MBP: variants seen among roughly 807,000 people sequenced by gnomAD.
MBP encodes Golli-MBP.
In MBP, 16 loss-of-function variants were observed where a neutral mutation model predicts 35.8. The ratio of observed to expected loss-of-function variants is 0.45; its 90% CI spans 0.30 to 0.68. The LOEUF (loss-of-function observed/expected upper bound fraction) is 0.68. MBP is among the 30% of genes least tolerant of loss of function. The pLI is 0.08. For synonymous variants in MBP, 143 were observed against 159.6 expected, an observed-to-expected ratio of 0.90 and a Z score of 0.78; for missense variants, 380 against 404.7, an observed-to-expected ratio of 0.94 and a Z score of 0.52.
intron 1 of MBP, among the ~76,000 whole-genome samples, chr18:77,120,740 C>A (rs1452733842): frequency 6.6e-6 from 1 of 152,160 alleles, no homozygotes; most frequent in Non-Finnish European, 1.5e-5. Context: ...GAGCTGTCCT[C>A]TGAGCACAGG....
At chr18:77,009,175 G>A (rs184392638) in intron 4 of MBP, among the ~76,000 whole-genome samples, 305 of 152,306 alleles carry the variant, frequency 2.0e-3, no homozygotes, top group African/African-American at 5.7e-3. Flanking sequence ...GGTGACGGCA[G>A]TGCCAGCTCT....
intron 4 of MBP, among the ~76,000 whole-genome samples, chr18:76,993,318 C>T (rs548358188): frequency 3.0e-4 from 45 of 152,126 alleles, no homozygotes; most frequent in Admixed American, 2.4e-3. Context: ...TTTGGGAGGC[C>T]GAGGCGGGCA....
chr18:77,083,158 G>T (rs1322424098), intron 2 of MBP, among the ~76,000 whole-genome samples: 1 of 151,996 alleles, frequency 6.6e-6, no homozygotes, highest in Non-Finnish European at 1.5e-5. Context: ...GTAAAAACAG[G>T]GTTTTGCCAC....
chr18:77,081,212 A>G (rs1014947331), intron 2 of MBP, among the ~76,000 whole-genome samples: 3 of 152,198 alleles, frequency 2.0e-5, no homozygotes, highest in African/African-American at 4.8e-5. Flanking sequence ...GAAACCACAG[A>G]TCAGTGAGAC....
chr18:77,066,675 C>T (rs753509199), intron 2 of MBP: 5 of 614,942 alleles, frequency 8.1e-6, no homozygotes, highest in Non-Finnish European at 1.5e-5. Context: ...AGCTACATGC[C>T]ATCCCATTTA....
At chr18:77,015,467 A>C (rs930561371) in intron 4 of MBP, 9 of 985,484 alleles carry the variant, frequency 9.1e-6, no homozygotes, top group Non-Finnish European at 1.1e-5. Context: ...GAACACCAAC[A>C]TTTCAGGGTG....
In MBP at chr18:77,044,048, GC is replaced by G. The variant is rs1336480902; in HGVS notation, c.139+22249del. On this transcript the variant is annotated intron_variant, in intron 3 of 8. Transcript: ENST00000355994. The surrounding 1 kb of genome is among the most constrained non-coding windows in gnomAD (Gnocchi z 4.4). ...CTGCCTCTCTGCCTCCTCCCTGGAG[GC>G]CGTGCAAATCCTGTTCTCCTTCCAG... Among the ~76,000 whole-genome samples the G allele has an allele frequency of 7.1e-6, 1 of 140,528 alleles. No individual in the cohort carries two copies. The highest frequency in any genetic ancestry group is 1.6e-5 in the Non-Finnish European group (1 of 61,896). 92.2% of individuals were successfully genotyped at this position (140,528 alleles called of 152,430 possible).
At chr18:77,088,849 AAC>A (rs1313137518) in intron 2 of MBP, among the ~76,000 whole-genome samples, 9 of 152,216 alleles carry the variant, frequency 5.9e-5, no homozygotes, top group Admixed American at 5.9e-4. Context: ...CTTATTTGGA[AAC>A]AGAGTCTTTG....
chr18:77,131,030 A>C lies in MBP; in HGVS notation c.-26+1550T>G, dbSNP rs865967307. Among the ~76,000 whole-genome samples the C allele has an allele frequency of 0.26, 39,217 of 149,186 alleles. 5,497 individuals carry two copies. The highest frequency in any genetic ancestry group is 0.36 in the Middle Eastern group (106 of 294). Reference sequence around the variant, plus strand: ...TCAGATTTCTGTTTTTCCCACAAAAAAAAAAAAAAAACAAAACCTCAAAAA... The same window carrying C: ...TCAGATTTCTGTTTTTCCCACAAAACAAAAAAAAAAACAAAACCTCAAAAA... On this transcript the variant is annotated intron_variant, in intron 1 of 8. Coordinates refer to ENST00000355994, the MANE Select transcript of MBP (RefSeq NM_001025101.2). This position sits in a 1 kb window ranked among gnomAD's most constrained non-coding sequence, Gnocchi z 5.5.
At chr18:76,990,110 G>T (rs754263101) in intron 4 of MBP, 50 bp from the exon 5 acceptor site, 3 of 1,260,592 alleles carry the variant, frequency 2.4e-6, no homozygotes, top group Non-Finnish European at 2.3e-6. Context: ...AGTCCCTGCG[G>T]CTTGTCCTCC....
At chr18:77,032,345 C>T (rs906504829) in intron 3 of MBP, among the ~76,000 whole-genome samples, 2 of 152,254 alleles carry the variant, frequency 1.3e-5, no homozygotes, top group Non-Finnish European at 1.5e-5. Context: ...GCCAGGCTTC[C>T]CGCAGAGATT....
intron 3 of MBP, among the ~76,000 whole-genome samples, chr18:77,034,120 G>T (rs1972659288): frequency 6.8e-6 from 1 of 146,130 alleles, no homozygotes; most frequent in East Asian, 2.0e-4. Flanking sequence ...CCTTTAGGCA[G>T]GGTTTTCTCC....
intron 4 of MBP, chr18:77,016,560 A>C: frequency 7.6e-7 from 1 of 1,321,698 alleles, no homozygotes; most frequent in Non-Finnish European, 9.7e-7. Flanking sequence ...AGGCACCCTT[A>C]GAGATCCAGA....
intron 3 of MBP, among the ~76,000 whole-genome samples, chr18:77,023,592 C>A (rs2123524091): frequency 6.6e-6 from 1 of 152,278 alleles, no homozygotes; most frequent in East Asian, 1.9e-4. Flanking sequence ...AACTCATGCG[C>A]CTGCACGGAC....
intron 4 of MBP, chr18:77,015,716 A>G (rs1210038173): frequency 1.0e-6 from 1 of 985,348 alleles, no homozygotes; most frequent in Non-Finnish European, 1.2e-6. Context: ...GTTTCTCTTC[A>G]ACAATTTCAT....
chr18:76,998,346 TTCCACC>T (rs57859759), intron 4 of MBP, among the ~76,000 whole-genome samples: 14,346 of 109,906 alleles, frequency 0.13, 787 homozygotes, highest in East Asian at 0.33. Context: ...CCCTTCCACC[TTCCACC>T]GTTAGGCTGA....
intron 4 of MBP, among the ~76,000 whole-genome samples, chr18:76,992,001 T>C (rs1407285366): frequency 6.6e-6 from 1 of 152,186 alleles, no homozygotes; most frequent in African/African-American, 2.4e-5. Flanking sequence ...GTTTGCAGAG[T>C]GTGCTGCGTT....
At chr18:77,058,888 T>C (rs1973850449) in intron 3 of MBP, among the ~76,000 whole-genome samples, 1 of 152,142 alleles carries the variant, frequency 6.6e-6, no homozygotes, top group Non-Finnish European at 1.5e-5. Context: ...CCAAATGTCA[T>C]CAAAATTAAA....
upstream of MBP, chr18:77,133,576 AGAG>A (rs1230476461): frequency 6.6e-6 from 1 of 152,298 alleles, no homozygotes; most frequent in Admixed American, 6.5e-5. Flanking sequence ...TGATGGTGGA[AGAG>A]GAGGAGGTTG....
Sources: gnomAD v4.1 joint callset for allele counts (sites outside exome capture counted in the v4.1 genomes callset) on GRCh38, gnomAD v4.1.1 for gene constraint, Gnocchi (gnomAD v3.1) non-coding constraint, MANE v1.5 for transcripts, NCBI Gene and HGNC (gene_info 2026-07-23, HGNC 2026-07-21) for gene names.